Variants in GRID2 observed in about 807,000 individuals in gnomAD.
GRID2 encodes glutamate receptor ionotropic, delta-2.
Under a neutral mutation model 114.8 loss-of-function variants are expected in GRID2, and 33 were observed. That is an observed-to-expected ratio of 0.29 (90% confidence interval 0.22 to 0.38). The LOEUF is 0.38. GRID2 is among the 10% of genes least tolerant of loss of function. The pLI is 1.00. For synonymous variants in GRID2, 505 were observed against 449.9 expected (o/e 1.12, Z -1.55); for missense variants, 1,184 against 1,257.7 (o/e 0.94, Z 0.89).
intron 8 of GRID2, among the ~76,000 whole-genome samples, chr4:93,386,160 A>G (rs566429538): frequency 6.6e-5 from 10 of 152,286 alleles, no homozygotes; most frequent in African/African-American, 2.4e-4. Context: ...CCTCTCTGAA[A>G]TAGTGTCTCA....
chr4:93,224,988 TA>T (rs370239617), intron 7 of GRID2, among the ~76,000 whole-genome samples: 1 of 151,800 alleles, frequency 6.6e-6, no homozygotes, highest in Admixed American at 6.6e-5. Flanking sequence ...TTTAAGCAAG[TA>T]AAAAAAATTG....
intron 1 of GRID2, among the ~76,000 whole-genome samples, chr4:92,514,301 C>T (rs983748310): frequency 1.1e-4 from 17 of 151,786 alleles, no homozygotes; most frequent in African/African-American, 3.9e-4. Flanking sequence ...ATCACTTTGA[C>T]AGCACAAGTT....
intron 8 of GRID2, among the ~76,000 whole-genome samples, chr4:93,331,529 T>A (rs1758453759): frequency 6.6e-6 from 1 of 152,034 alleles, no homozygotes; most frequent in South Asian, 2.1e-4. Context: ...ACATATTTGT[T>A]ATGTGTATTA....
chr4:92,795,791 A>G (rs1739837585), intron 2 of GRID2, among the ~76,000 whole-genome samples: 1 of 151,898 alleles, frequency 6.6e-6, no homozygotes. Flanking sequence ...CATTGTCTGG[A>G]ACGGGTTCAA....
chr4:93,708,053 A>G (rs1277827321), intron 14 of GRID2, among the ~76,000 whole-genome samples: 2 of 152,046 alleles, frequency 1.3e-5, no homozygotes, highest in African/African-American at 4.8e-5. Flanking sequence ...GTCAGAAAAG[A>G]TACTTGATAT....
intron 4 of GRID2, among the ~76,000 whole-genome samples, chr4:93,185,984 A>G (rs896417292): frequency 3.1e-4 from 47 of 152,194 alleles, no homozygotes; most frequent in African/African-American, 1.1e-3. Context: ...CCTATGAGTG[A>G]GAACATGCGG....
chr4:92,667,546 A>C, intron 2 of GRID2, among the ~76,000 whole-genome samples: 1 of 151,696 alleles, frequency 6.6e-6, no homozygotes, highest in East Asian at 1.9e-4. Context: ...ACAAATAAAT[A>C]TCCATAGCAA....
downstream of GRID2, among the ~76,000 whole-genome samples, chr4:93,775,144 T>TAAA (rs566720059): frequency 2.2e-4 from 32 of 142,938 alleles, no homozygotes; most frequent in African/African-American, 6.2e-4. Context: ...CATAATTTAC[T>TAAA]AAAAAAAAAA....
chr4:93,661,325 T>C (rs566441749), intron 14 of GRID2, among the ~76,000 whole-genome samples: 33 of 152,358 alleles, frequency 2.2e-4, no homozygotes, highest in African/African-American at 7.7e-4. Flanking sequence ...GTTTTAGCTC[T>C]CATGCAGTAA....
At chr4:93,382,058 T>C (rs1763904576) in intron 8 of GRID2, among the ~76,000 whole-genome samples, 1 of 152,082 alleles carries the variant, frequency 6.6e-6, no homozygotes, top group Non-Finnish European at 1.5e-5. Context: ...CTCTTAGCAC[T>C]TTGTATATAT....
intron 14 of GRID2, among the ~76,000 whole-genome samples, chr4:93,744,010 T>A (rs1337249000): frequency 6.6e-6 from 1 of 152,204 alleles, no homozygotes; most frequent in Non-Finnish European, 1.5e-5. Context: ...TCTACTCTGC[T>A]TATACTCTAT....
chr4:93,613,665 C>T, intron 13 of GRID2, among the ~76,000 whole-genome samples: 1 of 137,172 alleles, frequency 7.3e-6, no homozygotes, highest in Non-Finnish European at 1.6e-5. Flanking sequence ...GGCAGTCTGC[C>T]CGTTCTCAGA....
chr4:93,381,910 C>T (rs1763889123), intron 8 of GRID2, among the ~76,000 whole-genome samples: 1 of 152,090 alleles, frequency 6.6e-6, no homozygotes, highest in Non-Finnish European at 1.5e-5. Flanking sequence ...TCAGAACTCA[C>T]ATTAACGTTT....
chr4:92,969,183 A>G (rs1315347997), intron 2 of GRID2, among the ~76,000 whole-genome samples: 2 of 151,502 alleles, frequency 1.3e-5, no homozygotes, highest in Middle Eastern at 3.2e-3. Flanking sequence ...TTATTTTTGA[A>G]TTCCCCTAGC....
chr4:92,944,818 G>A (rs1030851038), intron 2 of GRID2, among the ~76,000 whole-genome samples: 1 of 151,794 alleles, frequency 6.6e-6, no homozygotes, highest in African/African-American at 2.4e-5. Context: ...TCAATATTTT[G>A]AATATGTAAG....
chr4:92,446,902 G>T (rs569533711), intron 1 of GRID2, among the ~76,000 whole-genome samples: 1 of 152,250 alleles, frequency 6.6e-6, no homozygotes, highest in South Asian at 2.1e-4. Context: ...TCCTTGATTT[G>T]CTCCTGCACC....
At chr4:92,398,477 T>A (rs1055484835) in intron 1 of GRID2, among the ~76,000 whole-genome samples, 5 of 151,652 alleles carry the variant, frequency 3.3e-5, no homozygotes, top group African/African-American at 1.2e-4. Context: ...GCTTTTGAAT[T>A]TTTGGTAGAC....
chr4:92,985,924 T>C (rs753566369), intron 2 of GRID2, among the ~76,000 whole-genome samples: 1 of 152,210 alleles, frequency 6.6e-6, no homozygotes, highest in Non-Finnish European at 1.5e-5. Flanking sequence ...GCATCTATAA[T>C]ACATTTTCAT....
intron 2 of GRID2, among the ~76,000 whole-genome samples, chr4:92,896,196 G>A (rs550041646): frequency 6.6e-6 from 1 of 152,150 alleles, no homozygotes; most frequent in African/African-American, 2.4e-5. Flanking sequence ...AATATGTTCT[G>A]ATTTCTGAGA....
Sources: gnomAD v4.1 joint callset for allele counts (sites outside exome capture counted in the v4.1 genomes callset) on GRCh38, gnomAD v4.1.1 for gene constraint, MANE v1.5 for transcripts, NCBI Gene and HGNC (gene_info 2026-07-23, HGNC 2026-07-21) for gene names.